Variants in STPG2 observed in about 807,000 individuals in gnomAD.
The protein encoded by STPG2 is sperm tail PG-rich repeat containing 2.
Under a neutral mutation model 54.2 loss-of-function variants are expected in STPG2, and 56 were observed. That is an observed-to-expected ratio of 1.03 (90% confidence interval 0.83 to 1.29). The LOEUF is 1.29. Ranked by LOEUF, STPG2 falls within the 50% of genes most tolerant of loss-of-function variation. STPG2 has a pLI of 0.00. For missense variants in STPG2, 596 were observed against 544.9 expected (o/e 1.09, Z -0.93); for synonymous variants, 200 against 181.8 (o/e 1.10, Z -0.81).
intron 3 of STPG2, among the ~76,000 whole-genome samples, chr4:98,114,126 G>GA (rs1739440600): frequency 6.6e-6 from 1 of 152,062 alleles, no homozygotes; most frequent in African/African-American, 2.4e-5. Flanking sequence ...GGAAGAGAGA[G>GA]AACCTAGCCA....
At chr4:97,784,516 A>T (rs762676439) in intron 9 of STPG2, among the ~76,000 whole-genome samples, 2 of 152,098 alleles carry the variant, frequency 1.3e-5, no homozygotes, top group Non-Finnish European at 2.9e-5. Flanking sequence ...GTGCCAAAAA[A>T]ACTTTCCTTC....
intron 5 of STPG2, among the ~76,000 whole-genome samples, chr4:98,033,959 A>G (rs948459239): frequency 6.6e-6 from 1 of 152,190 alleles, no homozygotes; most frequent in African/African-American, 2.4e-5. Flanking sequence ...TCTCAAAATA[A>G]TAAGAGCTAT....
In STPG2 at chr4:98,019,332, C is replaced by A. The variant is rs190647025; in HGVS notation, c.613-38014G>T. On this transcript the variant is annotated intron_variant, in intron 5 of 10. Coordinates refer to ENST00000295268, the MANE Select transcript of STPG2 (RefSeq NM_174952.3). ...GTCAAAGATCAGGTAGTTGTAGATA[C>A]GCAGCATTATTTCTGAGGGCTCTGT... is the stretch of plus-strand genomic sequence containing the variant. 9.3e-3 allele frequency among the ~76,000 whole-genome samples: 1,417 copies of A among 151,978 alleles called. 9 individuals are homozygous for A. Among genetic ancestry groups the A allele is most frequent in the Middle Eastern group, 0.027 (8 of 294 alleles).
intron 5 of STPG2, among the ~76,000 whole-genome samples, chr4:98,061,046 A>G (rs28842595): frequency 0.39 from 59,978 of 152,068 alleles, 12,074 homozygotes; most frequent in Middle Eastern, 0.46. Flanking sequence ...AGCAATTGCA[A>G]TAAAAGCAAA....
intron 8 of STPG2, among the ~76,000 whole-genome samples, chr4:97,872,127 A>G (rs1056121036): frequency 6.6e-6 from 1 of 151,118 alleles, no homozygotes; most frequent in Non-Finnish European, 1.5e-5. Context: ...ATAAAATGAG[A>G]ATAATAAAAT....
At chr4:97,950,231 CCAATTATTATTAG>C (rs1367703590) in intron 7 of STPG2, among the ~76,000 whole-genome samples, 7 of 151,938 alleles carry the variant, frequency 4.6e-5, no homozygotes, top group Non-Finnish European at 7.4e-5. Flanking sequence ...CCTCAAAACA[CCAATTATTATTAG>C]GTTTGGCCAT....
At chr4:97,861,725 C>A (rs955542607) in intron 8 of STPG2, among the ~76,000 whole-genome samples, 1 of 152,146 alleles carries the variant, frequency 6.6e-6, no homozygotes, top group Non-Finnish European at 1.5e-5. Flanking sequence ...GCTGCTCTCT[C>A]GGCAGAAACT....
intron 8 of STPG2, among the ~76,000 whole-genome samples, chr4:97,938,895 T>C (rs1732865157): frequency 6.6e-6 from 1 of 152,076 alleles, no homozygotes; most frequent in South Asian, 2.1e-4. Flanking sequence ...CTGCTTCTAG[T>C]AGGCCATCTT....
At chr4:97,594,505 G>A (rs1371605647) in intron 10 of STPG2, among the ~76,000 whole-genome samples, 3 of 152,156 alleles carry the variant, frequency 2.0e-5, no homozygotes, top group South Asian at 2.1e-4. Flanking sequence ...TAGGTAAAGA[G>A]ACCAAATCTA....
At chr4:97,787,087 T>C (rs1251062463) in intron 9 of STPG2, among the ~76,000 whole-genome samples, 1 of 152,106 alleles carries the variant, frequency 6.6e-6, no homozygotes, top group Non-Finnish European at 1.5e-5. Context: ...CTGTGGAATT[T>C]ACTAATTAGT....
intron 9 of STPG2, among the ~76,000 whole-genome samples, chr4:97,819,544 T>C (rs1728018276): frequency 6.6e-6 from 1 of 152,182 alleles, no homozygotes; most frequent in Non-Finnish European, 1.5e-5. Flanking sequence ...TAAGTCTCAG[T>C]ACCTGATAGG....
At chr4:98,135,305 G>A (rs915525303) in intron 1 of STPG2, among the ~76,000 whole-genome samples, 1 of 151,576 alleles carries the variant, frequency 6.6e-6, no homozygotes, top group Non-Finnish European at 1.5e-5. Flanking sequence ...AATAATAAAA[G>A]ATACTCTATT....
chr4:97,874,343 A>T (rs1008671356), intron 8 of STPG2, among the ~76,000 whole-genome samples: 2 of 151,150 alleles, frequency 1.3e-5, no homozygotes, highest in Admixed American at 6.6e-5. Flanking sequence ...CTCCCAAGTA[A>T]TTTTTTTTGC....
At chr4:97,937,514 T>A in intron 8 of STPG2, among the ~76,000 whole-genome samples, 1 of 152,168 alleles carries the variant, frequency 6.6e-6, no homozygotes, top group East Asian at 1.9e-4. Flanking sequence ...TCTTCGTGAG[T>A]TTGTCTAGTG....
intron 5 of STPG2, among the ~76,000 whole-genome samples, chr4:98,026,641 G>C (rs559847005): frequency 6.2e-4 from 94 of 152,278 alleles, no homozygotes; most frequent in Admixed American, 1.2e-3. Context: ...TACTTCAGTT[G>C]ATAACTACAT....
intron 5 of STPG2, among the ~76,000 whole-genome samples, chr4:98,023,318 GC>G (rs1186232136): frequency 6.6e-6 from 1 of 152,178 alleles, no homozygotes; most frequent in Non-Finnish European, 1.5e-5. Flanking sequence ...AGCAGCGGTG[GC>G]TGCAGAACAG....
chr4:98,077,225 T>TTTG (rs56140336), intron 5 of STPG2, among the ~76,000 whole-genome samples: 60,215 of 148,448 alleles, frequency 0.41, 12,629 homozygotes, highest in Admixed American at 0.53. Flanking sequence ...CCTCAATAGT[T>TTTG]TTGTTGTTGT....
chr4:97,526,769 G>A (rs1260894443), intron 4 of STPG2, among the ~76,000 whole-genome samples: 6 of 152,014 alleles, frequency 3.9e-5, no homozygotes, highest in Non-Finnish European at 5.9e-5. Context: ...GTCCTGAATG[G>A]TATTGCCTAG....
chr4:97,902,799 C>T (rs1487194985), intron 8 of STPG2, among the ~76,000 whole-genome samples: 2 of 152,080 alleles, frequency 1.3e-5, no homozygotes, highest in South Asian at 4.1e-4. Flanking sequence ...TTTGGCTATA[C>T]ATCCAAAAGA....
Sources: allele counts gnomAD v4.1 joint callset (sites outside exome capture counted in the v4.1 genomes callset), GRCh38; gene constraint gnomAD v4.1.1; transcripts MANE v1.5; gene names NCBI Gene and HGNC (gene_info 2026-07-23, HGNC 2026-07-21).